TANGO2: variants seen among roughly 807,000 people sequenced by gnomAD.
TANGO2 encodes the protein transport and golgi organization 2 homolog.
TANGO2 carries 26 observed loss-of-function variants against 39.1 expected under a neutral mutation model. That is an observed-to-expected ratio of 0.67 (90% CI 0.49 to 0.92). TANGO2 has a LOEUF of 0.92. TANGO2 is among the 40% of genes least tolerant of loss of function. TANGO2 has a pLI of 0.00. For missense variants in TANGO2, 326 were observed against 360.1 expected, an observed-to-expected ratio of 0.91 and a Z score of 0.77; for synonymous variants, 131 against 144.5, an observed-to-expected ratio of 0.91 and a Z score of 0.67.
chr22:20,023,333 GC>G (rs948108825), intron 1 of TANGO2, among the ~76,000 whole-genome samples: 6 of 152,140 alleles, frequency 3.9e-5, no homozygotes, highest in African/African-American at 1.4e-4. Context: ...GGCCGCAGGG[GC>G]CGCTGCGAGG....
At chr22:20,041,853 A>G (rs1313736139) in intron 2 of TANGO2, among the ~76,000 whole-genome samples, 1 of 151,698 alleles carries the variant, frequency 6.6e-6, no homozygotes, top group Non-Finnish European at 1.5e-5. Context: ...TATGGAAATT[A>G]TTTTTAAACA....
At chr22:20,024,698 C>G (rs2040394583) in intron 1 of TANGO2, among the ~76,000 whole-genome samples, 1 of 152,230 alleles carries the variant, frequency 6.6e-6, no homozygotes, top group Non-Finnish European at 1.5e-5. Context: ...TGTCTAGGTC[C>G]CCTTGACCCT....
chr22:20,050,597 C>T (rs1300521234), intron 3 of TANGO2, among the ~76,000 whole-genome samples: 2 of 150,292 alleles, frequency 1.3e-5, no homozygotes, highest in Admixed American at 6.6e-5. Context: ...CTCCTGACCT[C>T]GTGATCCGCC....
At chr22:20,052,849 C>T (rs2147526917) in intron 4 of TANGO2, among the ~76,000 whole-genome samples, 1 of 152,282 alleles carries the variant, frequency 6.6e-6, no homozygotes, top group Middle Eastern at 3.4e-3. Context: ...AAGGGGGAAG[C>T]TGGGCCCCGT....
chr22:20,017,890 G>T (rs1352389412), upstream of TANGO2, among the ~76,000 whole-genome samples: 1 of 152,170 alleles, frequency 6.6e-6, no homozygotes, highest in African/African-American at 2.4e-5. Context: ...CCTGGCTCAC[G>T]CATGCTGTCA....
At chr22:20,036,994 C>G in intron 2 of TANGO2, 140 bp downstream of exon 2, 1 of 1,596,792 alleles carries the variant, frequency 6.3e-7, no homozygotes, top group Non-Finnish European at 8.5e-7. Flanking sequence ...CCCTCCAGGA[C>G]AGGGTCACTC....
At chr22:20,035,475 G>A (rs1253181612) in intron 1 of TANGO2, among the ~76,000 whole-genome samples, 1 of 152,254 alleles carries the variant, frequency 6.6e-6, no homozygotes, top group Admixed American at 6.5e-5. Flanking sequence ...GGGAACTTGG[G>A]TGTCACCCTT....
intron 1 of TANGO2, 76 bp from the exon 2 acceptor site, chr22:20,036,684 C>T: frequency 8.0e-7 from 1 of 1,253,208 alleles, no homozygotes; most frequent in Non-Finnish European, 1.2e-6. Context: ...TCTCTCTGTT[C>T]TGGCCTGTTG....
At chr22:20,045,560 A>G (rs1194228866) in intron 3 of TANGO2, among the ~76,000 whole-genome samples, 4 of 143,104 alleles carry the variant, frequency 2.8e-5, no homozygotes, top group East Asian at 2.0e-4. Context: ...CTGGAGTGCA[A>G]TGGTGCCATC....
At chr22:20,064,132 A>G (rs2048879050) in intron 8 of TANGO2, among the ~76,000 whole-genome samples, 1 of 152,182 alleles carries the variant, frequency 6.6e-6, no homozygotes, top group Non-Finnish European at 1.5e-5. Context: ...AGCCTTCCAG[A>G]CAGAGGAGGC....
At chr22:20,018,173 C>A (rs896463078), upstream of TANGO2, among the ~76,000 whole-genome samples, 1 of 152,256 alleles carries the variant, frequency 6.6e-6, no homozygotes, top group South Asian at 2.1e-4. Flanking sequence ...CATGGTGAAT[C>A]GATCCCAGCT....
chr22:20,019,466 CAAA>C (rs1259628995), upstream of TANGO2, among the ~76,000 whole-genome samples: 4 of 152,302 alleles, frequency 2.6e-5, no homozygotes, highest in Non-Finnish European at 5.9e-5. Context: ...TCAGTGGTGA[CAAA>C]GAAGATCAGA....
chr22:20,042,000 T>G (rs1184992752), intron 2 of TANGO2, among the ~76,000 whole-genome samples: 1 of 151,736 alleles, frequency 6.6e-6, no homozygotes, highest in Non-Finnish European at 1.5e-5. Flanking sequence ...TTTTTTTTTT[T>G]AGAGACAGGG....
chr22:20,031,881 C>T (rs747397069), intron 1 of TANGO2, among the ~76,000 whole-genome samples: 48 of 152,338 alleles, frequency 3.2e-4, no homozygotes, highest in African/African-American at 8.9e-4. Flanking sequence ...GCTGCCAGGC[C>T]GTGGGTGCAG....
At chr22:20,037,030 C>G in intron 2 of TANGO2, 176 bp downstream of exon 2, 1 of 1,562,000 alleles carries the variant, frequency 6.4e-7, no homozygotes. Context: ...CAGAATGCCT[C>G]TCGGGGCGGG....
chr22:20,056,156 C>T (rs775009668), intron 6 of TANGO2, 143 bp downstream of exon 6: 20 of 742,560 alleles, frequency 2.7e-5, no homozygotes, highest in Middle Eastern at 2.3e-4. Context: ...GGTCTGTGGG[C>T]ACCTTGCCCT....
chr22:20,043,066 G>A (rs1053384127), intron 2 of TANGO2, among the ~76,000 whole-genome samples: 2 of 152,018 alleles, frequency 1.3e-5, no homozygotes, highest in African/African-American at 2.4e-5. Flanking sequence ...AGGCTCCATG[G>A]TGCCCCTAAG....
intron 3 of TANGO2, among the ~76,000 whole-genome samples, chr22:20,048,489 G>GT (rs1309953925): frequency 1.3e-5 from 2 of 152,112 alleles, no homozygotes; most frequent in African/African-American, 4.8e-5. Flanking sequence ...TTTTTTGGTT[G>GT]TTTTATGCAG....
intron 1 of TANGO2, among the ~76,000 whole-genome samples, chr22:20,031,804 G>A (rs569755189): frequency 3.3e-5 from 5 of 152,336 alleles, no homozygotes; most frequent in Admixed American, 6.5e-5. Context: ...TGTCCACAGC[G>A]TGGCTGGGCA....
Sources: gnomAD v4.1 joint callset for allele counts (sites outside exome capture counted in the v4.1 genomes callset) on GRCh38, gnomAD v4.1.1 for gene constraint, MANE v1.5 for transcripts, NCBI Gene and HGNC (gene_info 2026-07-23, HGNC 2026-07-21) for gene names.